DCT: variants seen among roughly 807,000 people sequenced by gnomAD.
DCT encodes the protein L-dopachrome tautomerase.
Under a neutral mutation model 53.0 loss-of-function variants are expected in DCT, and 47 were observed. The ratio of observed to expected loss-of-function variants is 0.89; its 90% CI spans 0.70 to 1.13. DCT has a LOEUF of 1.13. Ranked by LOEUF, DCT falls within the 50% of genes most tolerant of loss-of-function variation. DCT has a pLI of 0.00. For missense variants in DCT, 669 were observed against 637.4 expected, an observed-to-expected ratio of 1.05 and a Z score of -0.53; for synonymous variants, 244 against 237.0, an observed-to-expected ratio of 1.03 and a Z score of -0.27.
At chr13:94,485,298 C>T in the DCT span, among the ~76,000 whole-genome samples, 3 of 152,116 alleles carry the variant, frequency 2.0e-5, no homozygotes, top group South Asian at 4.1e-4. Context: ...CAGGTAGAAC[C>T]TTGGAGGGCT....
At chr13:94,487,130 A>G in the DCT span, among the ~76,000 whole-genome samples, 102,740 of 152,106 alleles carry the variant, frequency 0.68, 35,439 homozygotes, top group Middle Eastern at 0.74. Context: ...TAGAAACTGA[A>G]TAGCAGAATC....
At chr13:94,518,166 G>GAAGGAAGA in the DCT span, among the ~76,000 whole-genome samples, 6 of 143,186 alleles carry the variant, frequency 4.2e-5, no homozygotes, top group African/African-American at 1.7e-4. Context: ...ATGAAGGAAG[G>GAAGGAAGA]AAGGAAGAAA....
chr13:94,455,322 C>A (rs1883338703), intron 6 of DCT, among the ~76,000 whole-genome samples: 1 of 151,112 alleles, frequency 6.6e-6, no homozygotes, highest in Non-Finnish European at 1.5e-5. Flanking sequence ...TTTGAGGCTG[C>A]CGTGAGCTAT....
intron 6 of DCT, among the ~76,000 whole-genome samples, chr13:94,453,873 A>T (rs569264307): frequency 1.3e-5 from 2 of 152,350 alleles, no homozygotes; most frequent in African/African-American, 4.8e-5. Flanking sequence ...TAAATTACTC[A>T]GTCTCAGATA....
chr13:94,525,181 A>T, the DCT span, among the ~76,000 whole-genome samples: 7 of 151,990 alleles, frequency 4.6e-5, no homozygotes, highest in Admixed American at 6.6e-5. Flanking sequence ...GCTCACTGCA[A>T]CTTCCACCCC....
chr13:94,527,995 C>A, the DCT span, among the ~76,000 whole-genome samples: 2 of 152,092 alleles, frequency 1.3e-5, no homozygotes, highest in Admixed American at 6.6e-5. Context: ...GACGCATGCA[C>A]AAGTTTCAGT....
chr13:94,468,976 T>G lies in DCT; in HGVS notation c.365A>C (p.Lys122Thr). The change falls in exon 2 of 8, where the codon AAA becomes ACA. Residue 122 changes from lysine to threonine, a missense_variant. By Grantham distance (78) the Lys-to-Thr change is moderately conservative (BLOSUM62 -1). Coordinates refer to ENST00000377028, the MANE Select transcript of DCT (RefSeq NM_001922.5). ...GATGTTCTGCCGAATCACTGGTGGT[T>G]TCTTCCGCTCGCAGTTGGGACCGGT... ...GWTGPNCERK[K>T]PPVIRQNIHS... The G allele has an allele frequency of 6.2e-7, 1 of 1,614,144 alleles. No homozygotes were observed. The highest frequency in any genetic ancestry group is 2.2e-5 in the East Asian group (1 of 44,874).
At chr13:94,507,859 A>G in the DCT span, among the ~76,000 whole-genome samples, 1 of 152,170 alleles carries the variant, frequency 6.6e-6, no homozygotes, top group Non-Finnish European at 1.5e-5. Context: ...TTAATTAATC[A>G]CTTCTAACTT....
At chr13:94,549,328 AGCCCCCCAGGCGGCG>A in the DCT span, among the ~76,000 whole-genome samples, 1 of 152,206 alleles carries the variant, frequency 6.6e-6, no homozygotes, top group African/African-American at 2.4e-5. Context: ...GTCTCACACC[AGCCCCCCAGGCGGCG>A]CGCGGCCCCG....
At chr13:94,507,041 G>T in the DCT span, among the ~76,000 whole-genome samples, 1 of 152,212 alleles carries the variant, frequency 6.6e-6, no homozygotes, top group African/African-American at 2.4e-5. Context: ...TTCTTCAAAA[G>T]TGTTCAAGTC....
At chr13:94,460,279 T>C in intron 5 of DCT, 53 bp from the exon 6 acceptor site, 3 of 1,540,042 alleles carry the variant, frequency 1.9e-6, no homozygotes, top group Non-Finnish European at 2.7e-6. Context: ...TAAAGGTCTC[T>C]TTTTTGTTGT....
rs558681805 is a variant in DCT at position 94,439,010 on chromosome 13, T to G, written c.*888A>C. ...ATGGGACTCAAGTCAAATTGTCTCA[T>G]GTTCAGGTTTACAGCCTCACCAGCC... On this transcript the variant is annotated 3_prime_UTR_variant, in exon 8 of 8. Coordinates refer to ENST00000377028, the MANE Select transcript of DCT (RefSeq NM_001922.5). 1 of 194,422 alleles carries G rather than the reference T, an allele frequency of 5.1e-6. No individual in the cohort carries two copies. Among genetic ancestry groups the G allele is most frequent in the South Asian group, 9.3e-5 (1 of 10,750 alleles). 12.0% of individuals were successfully genotyped at this position (194,422 alleles called of 1,614,324 possible). A position where few individuals can be genotyped will look rare whatever the true frequency, so the allele number is the denominator to read the frequency against.
the DCT span, among the ~76,000 whole-genome samples, chr13:94,488,721 TATAC>T: frequency 1.0e-3 from 75 of 74,644 alleles, no homozygotes; most frequent in East Asian, 6.3e-3. Context: ...TTGTCTAATA[TATAC>T]ACACACACAC....
chr13:94,476,293 A>T (rs1391930056), intron 1 of DCT, among the ~76,000 whole-genome samples: 2 of 146,666 alleles, frequency 1.4e-5, no homozygotes, highest in African/African-American at 5.1e-5. Flanking sequence ...AATAGCAATG[A>T]TCCCTTCTAT....
In DCT at chr13:94,439,773, C is replaced by T; in HGVS notation, c.*125G>A. 1.5e-6 allele frequency: 1 copy of T among 688,814 alleles called. No individual in the cohort carries two copies. The highest frequency in any genetic ancestry group is 2.4e-6 in the Non-Finnish European group (1 of 425,074). 42.7% of individuals were successfully genotyped at this position (688,814 alleles called of 1,614,324 possible). ...AGCATCTTCTGAATGAGATCATCAT[C>T]ACTATAGAAGAACCTATGTCAAAGA... On this transcript the variant is annotated 3_prime_UTR_variant, in exon 8 of 8. Transcript: ENST00000377028.
At chr13:94,477,302 G>T (rs2139377414) in intron 1 of DCT, among the ~76,000 whole-genome samples, 1 of 152,188 alleles carries the variant, frequency 6.6e-6, no homozygotes, top group South Asian at 2.1e-4. Flanking sequence ...CACCATGTTG[G>T]CCAGGCTGGT....
At chr13:94,472,550 ATATATATATATATATATATTTTTTTTT>A (rs1884770589) in intron 1 of DCT, among the ~76,000 whole-genome samples, 2 of 25,234 alleles carry the variant, frequency 7.9e-5, no homozygotes, top group African/African-American at 4.1e-4. Flanking sequence ...ATATATATAT[ATATATATATATATATATATTTTTTTTT>A]TTTTTTTTTT....
chr13:94,532,553 A>G, the DCT span, among the ~76,000 whole-genome samples: 2 of 152,094 alleles, frequency 1.3e-5, no homozygotes, highest in Admixed American at 6.6e-5. Flanking sequence ...ACCAAACACC[A>G]CATGTTCTCA....
At chr13:94,541,002 C>G in the DCT span, among the ~76,000 whole-genome samples, 2 of 152,152 alleles carry the variant, frequency 1.3e-5, no homozygotes, top group African/African-American at 4.8e-5. Flanking sequence ...GTGGGTGGAA[C>G]TGCAGGACAT....
Sources: gnomAD v4.1 joint callset for allele counts (sites outside exome capture counted in the v4.1 genomes callset) on GRCh38, gnomAD v4.1.1 for gene constraint, MANE v1.5 for transcripts, NCBI Gene and HGNC (gene_info 2026-07-23, HGNC 2026-07-21) for gene names.